Variants in FER observed in about 807,000 individuals in gnomAD.
The protein encoded by FER is tyrosine-protein kinase Fer.
A neutral mutation model predicts 111.0 loss-of-function variants in FER; 63 were observed. The observed-to-expected ratio is 0.57, with a 90% confidence interval of 0.46 to 0.70. The LOEUF is 0.70. FER is among the 30% of genes least tolerant of loss of function. The pLI, the probability that FER is intolerant of heterozygous loss-of-function variation, is 0.00. For synonymous variants in FER, 327 were observed against 313.9 expected (o/e 1.04, Z -0.44); for missense variants, 914 against 954.0 (o/e 0.96, Z 0.55).
chr5:108,964,824 C>T (rs1759592543), intron 13 of FER, among the ~76,000 whole-genome samples: 1 of 151,846 alleles, frequency 6.6e-6, no homozygotes, highest in Non-Finnish European at 1.5e-5. Context: ...ACAGTAAATT[C>T]CATGTTTTTA....
At chr5:108,983,684 T>C (rs908540778) in intron 13 of FER, among the ~76,000 whole-genome samples, 21 of 152,030 alleles carry the variant, frequency 1.4e-4, no homozygotes, top group Non-Finnish European at 2.8e-4. Context: ...TGGGTGAAAT[T>C]TGACTTTAAG....
chr5:108,842,255 T>C (rs946499688), intron 5 of FER: 3 of 152,166 alleles, frequency 2.0e-5, no homozygotes, highest in Admixed American at 2.0e-4. Flanking sequence ...TTTCTACTTT[T>C]GTATAGGTTG....
In FER at chr5:108,867,750, G is replaced by GTTTTTT; in HGVS notation, c.482-9_482-4dup. 4.7e-6 allele frequency: 7 copies of GTTTTTT among 1,505,204 alleles called. No individual in the cohort carries two copies. Among genetic ancestry groups the GTTTTTT allele is most frequent in the East Asian group, 2.3e-5 (1 of 42,558 alleles). The allele number at this position is 1,505,204 out of a possible 1,614,324, so 93.2% of individuals were successfully genotyped here. On this transcript the variant is annotated splice_polypyrimidine_tract_variant and intron_variant, in intron 5 of 19. Transcript: ENST00000281092. ...CTTATCTCTTTACTAACTTTCTTCAGTTTTTTTTTTTTTCAGGGAAGGAAA... is the reference window on the plus strand; with the variant it reads ...CTTATCTCTTTACTAACTTTCTTCAGTTTTTTTTTTTTTTTTTTTCAGGGAAGGAAA...
At chr5:108,907,036 G>A (rs149570175) in intron 10 of FER, among the ~76,000 whole-genome samples, 21 of 152,132 alleles carry the variant, frequency 1.4e-4, no homozygotes, top group African/African-American at 3.9e-4. Context: ...ATTTTCACCC[G>A]CTAAACTACA....
chr5:108,825,454 G>A (rs1489007960), intron 3 of FER, among the ~76,000 whole-genome samples: 1 of 152,144 alleles, frequency 6.6e-6, no homozygotes, highest in Non-Finnish European at 1.5e-5. Context: ...GCTCACCGGC[G>A]GTCAGAGTTT....
chr5:108,907,329 CT>C (rs1750924688), intron 10 of FER, among the ~76,000 whole-genome samples: 1 of 151,648 alleles, frequency 6.6e-6, no homozygotes, highest in African/African-American at 2.4e-5. Flanking sequence ...GAGTCTCACT[CT>C]GTTGCCCAGG....
chr5:108,923,584 A>C (rs1232070310), intron 10 of FER, among the ~76,000 whole-genome samples: 2 of 152,170 alleles, frequency 1.3e-5, no homozygotes, highest in Non-Finnish European at 2.9e-5. Context: ...TCTTTGTTTA[A>C]AAAAATGAAT....
At chr5:108,764,676 C>T (rs1013202910) in intron 1 of FER, among the ~76,000 whole-genome samples, 2 of 152,196 alleles carry the variant, frequency 1.3e-5, no homozygotes, top group African/African-American at 4.8e-5. Flanking sequence ...GGATTACAGG[C>T]ATGAGCCACT....
chr5:108,838,302 G>A (rs1760880747), intron 5 of FER, among the ~76,000 whole-genome samples: 1 of 152,082 alleles, frequency 6.6e-6, no homozygotes, highest in South Asian at 2.1e-4. Context: ...CCTAGAGACT[G>A]CGGGGTGCTT....
chr5:108,859,842 T>C (rs1416695951), intron 5 of FER, among the ~76,000 whole-genome samples: 1 of 151,924 alleles, frequency 6.6e-6, no homozygotes, highest in African/African-American at 2.4e-5. Context: ...ACCCATAAAA[T>C]GTTTAGTAAA....
intron 6 of FER, among the ~76,000 whole-genome samples, chr5:108,870,419 C>A (rs1043724583): frequency 2.6e-5 from 4 of 151,920 alleles, no homozygotes; most frequent in Non-Finnish European, 5.9e-5. Flanking sequence ...GATTATAATC[C>A]CAGAGATACT....
intron 3 of FER, chr5:108,818,107 A>G (rs1026626694): frequency 3.3e-5 from 5 of 152,208 alleles, no homozygotes; most frequent in African/African-American, 1.2e-4. Context: ...GTCACAAAAC[A>G]ACACTGCCAA....
At chr5:108,900,772 G>T (rs548437631) in intron 10 of FER, among the ~76,000 whole-genome samples, 1 of 152,234 alleles carries the variant, frequency 6.6e-6, no homozygotes, top group South Asian at 2.1e-4. Flanking sequence ...TCTTATAAAG[G>T]TTCCAAATGA....
At chr5:108,970,974 G>A (rs1760567285) in intron 13 of FER, among the ~76,000 whole-genome samples, 2 of 152,096 alleles carry the variant, frequency 1.3e-5, no homozygotes, top group South Asian at 4.1e-4. Context: ...TCTTAAATAT[G>A]ATGGTGATAC....
At chr5:109,149,349 G>C (rs72796600) in intron 17 of FER, among the ~76,000 whole-genome samples, 1 of 152,140 alleles carries the variant, frequency 6.6e-6, no homozygotes, top group East Asian at 1.9e-4. Context: ...TGGAGCATGA[G>C]ACACCCTAAA....
At chr5:109,000,568 A>T (rs1009898287) in intron 13 of FER, among the ~76,000 whole-genome samples, 5 of 152,162 alleles carry the variant, frequency 3.3e-5, no homozygotes, top group African/African-American at 1.2e-4. Flanking sequence ...TCTAAAATTG[A>T]CACCCTAACA....
chr5:109,012,061 T>C (rs1766346751), intron 13 of FER, among the ~76,000 whole-genome samples: 1 of 152,244 alleles, frequency 6.6e-6, no homozygotes, highest in Non-Finnish European at 1.5e-5. Context: ...TTGATCAAAG[T>C]AACCATCTCT....
chr5:109,034,249 CA>C (rs549988151), intron 13 of FER, among the ~76,000 whole-genome samples: 637 of 152,140 alleles, frequency 4.2e-3, no homozygotes, highest in Admixed American at 6.9e-3. Flanking sequence ...ATCTATTGAT[CA>C]ATTATCTAAG....
intron 17 of FER, among the ~76,000 whole-genome samples, chr5:109,129,813 T>A (rs548093171): frequency 3.2e-4 from 48 of 152,162 alleles, no homozygotes; most frequent in African/African-American, 1.0e-3. Context: ...TAAGAGTTTG[T>A]CTTAAGGCAA....
Sources: gnomAD v4.1 joint callset for allele counts (sites outside exome capture counted in the v4.1 genomes callset) on GRCh38, gnomAD v4.1.1 for gene constraint, MANE v1.5 for transcripts, NCBI Gene and HGNC (gene_info 2026-07-23, HGNC 2026-07-21) for gene names.